Variants in ANKS1B observed in about 807,000 individuals in gnomAD.
The protein encoded by ANKS1B is ankyrin repeat and sterile alpha motif domain-containing protein 1B.
Under a neutral mutation model 148.3 loss-of-function variants are expected in ANKS1B, and 36 were observed. The observed-to-expected ratio is 0.24, with a 90% confidence interval of 0.19 to 0.32. The LOEUF (loss-of-function observed/expected upper bound fraction) is 0.32. Ranked by LOEUF, ANKS1B falls within the 10% of genes least tolerant of loss-of-function variation. The pLI is 1.00. For synonymous variants in ANKS1B, 542 were observed against 560.8 expected (o/e 0.97, Z 0.47); for missense variants, 1,157 against 1,542.6 (o/e 0.75, Z 4.19).
At chr12:99,424,955 G>C in intron 11 of ANKS1B, among the ~76,000 whole-genome samples, 1 of 151,918 alleles carries the variant, frequency 6.6e-6, no homozygotes, top group East Asian at 1.9e-4. Context: ...AAGCCAACCT[G>C]TAACCAGCCG....
intron 8 of ANKS1B, among the ~76,000 whole-genome samples, chr12:99,746,311 T>A (rs1427083182): frequency 6.6e-6 from 1 of 152,158 alleles, no homozygotes; most frequent in East Asian, 1.9e-4. Context: ...CTAGTCCCTA[T>A]CCAAGTGTTT....
At chr12:99,511,883 C>G (rs540331065) in intron 9 of ANKS1B, among the ~76,000 whole-genome samples, 30 of 152,008 alleles carry the variant, frequency 2.0e-4, no homozygotes, top group Non-Finnish European at 4.0e-4. Flanking sequence ...AAACTGGACC[C>G]CTTCCCTACA....
intron 9 of ANKS1B, among the ~76,000 whole-genome samples, chr12:99,618,866 G>A (rs567710593): frequency 5.9e-5 from 9 of 152,242 alleles, no homozygotes; most frequent in African/African-American, 2.2e-4. Flanking sequence ...TCTCAGGCCG[G>A]AGATTGGAAT....
intron 17 of ANKS1B, among the ~76,000 whole-genome samples, chr12:99,005,881 A>G (rs191346453): frequency 2.5e-3 from 376 of 152,306 alleles, no homozygotes; most frequent in African/African-American, 8.8e-3. Context: ...GAGCCCACTC[A>G]GTAGGGCTGA....
At chr12:98,813,108 T>A (rs1356779804) in intron 19 of ANKS1B, among the ~76,000 whole-genome samples, 2 of 152,208 alleles carry the variant, frequency 1.3e-5, no homozygotes, top group Admixed American at 1.3e-4. Flanking sequence ...AAAACATGTA[T>A]TGAAGTACTG....
chr12:98,928,720 C>T (rs2099811070), intron 17 of ANKS1B, among the ~76,000 whole-genome samples: 1 of 151,876 alleles, frequency 6.6e-6, no homozygotes, highest in Admixed American at 6.6e-5. Context: ...CAGGAATCTC[C>T]TTTAACACAG....
chr12:99,426,180 T>C (rs1257027964), intron 11 of ANKS1B, among the ~76,000 whole-genome samples: 1 of 152,144 alleles, frequency 6.6e-6, no homozygotes, highest in African/African-American at 2.4e-5. Flanking sequence ...TTAGAGTGCA[T>C]TGCCTAATGT....
chr12:98,994,368 C>G (rs1377314843), intron 17 of ANKS1B, among the ~76,000 whole-genome samples: 2 of 152,140 alleles, frequency 1.3e-5, no homozygotes, highest in Non-Finnish European at 2.9e-5. Context: ...GTAATTCCAG[C>G]ACTTTGGGAG....
At chr12:99,694,001 G>A (rs897803513) in intron 8 of ANKS1B, among the ~76,000 whole-genome samples, 11 of 150,786 alleles carry the variant, frequency 7.3e-5, no homozygotes, top group African/African-American at 1.5e-4. Context: ...GGCTGGTCTC[G>A]AACTTCTGAC....
intron 4 of ANKS1B, among the ~76,000 whole-genome samples, chr12:99,797,935 G>A (rs1015330765): frequency 7.9e-5 from 12 of 151,844 alleles, no homozygotes; most frequent in African/African-American, 2.9e-4. Context: ...ATATTTCTGT[G>A]ACTTCCATGG....
intron 21 of ANKS1B, among the ~76,000 whole-genome samples, chr12:98,800,728 G>A (rs560000675): frequency 1.1e-4 from 15 of 134,710 alleles, no homozygotes; most frequent in African/African-American, 3.2e-4. Flanking sequence ...AAGATTGTAC[G>A]TTATAACATT....
At chr12:99,906,772 T>C (rs1284583805) in intron 1 of ANKS1B, among the ~76,000 whole-genome samples, 1 of 152,260 alleles carries the variant, frequency 6.6e-6, no homozygotes, top group Non-Finnish European at 1.5e-5. Flanking sequence ...CTCCTTCATA[T>C]GCTTCTTTAT....
rs566275531 is a variant in ANKS1B, at chr12:99,792,611, C to T, written c.670-10514G>A. 7.2e-5 allele frequency among the ~76,000 whole-genome samples: 11 copies of T among 151,994 alleles called. No individual in the cohort carries two copies. In the East Asian group the frequency reaches 1.7e-3, roughly 24 times the overall value. ...TATCAACAGAATGAAGGACAAAAAA[C>T]ATTATCATTTTGACTAATGCTGAAA... is the stretch of plus-strand genomic sequence containing the variant. On this transcript the variant is annotated intron_variant, in intron 4 of 26. Transcript: ENST00000683438.
intron 9 of ANKS1B, among the ~76,000 whole-genome samples, chr12:99,603,562 G>C (rs2097824425): frequency 1.3e-5 from 2 of 151,908 alleles, no homozygotes; most frequent in Non-Finnish European, 2.9e-5. Context: ...GTTTCCAATT[G>C]TGTCATGTTA....
intron 9 of ANKS1B, among the ~76,000 whole-genome samples, chr12:99,528,282 C>A (rs116285749): frequency 0.065 from 9,863 of 151,882 alleles, 425 homozygotes; most frequent in East Asian, 0.24. Flanking sequence ...TGGAAGAAAA[C>A]CTAGGAAATA....
chr12:99,441,975 A>C (rs1213351981), intron 11 of ANKS1B, among the ~76,000 whole-genome samples: 1 of 151,994 alleles, frequency 6.6e-6, no homozygotes, highest in Non-Finnish European at 1.5e-5. Flanking sequence ...CTACATTGGT[A>C]TAAAAACAAA....
intron 16 of ANKS1B, among the ~76,000 whole-genome samples, chr12:99,059,943 A>T (rs185044986): frequency 1.1e-4 from 17 of 152,194 alleles, no homozygotes; most frequent in African/African-American, 3.8e-4. Context: ...AACATCTGGC[A>T]AGACAGGGCT....
chr12:98,787,799 A>G (rs1275929271), intron 22 of ANKS1B, among the ~76,000 whole-genome samples: 1 of 152,080 alleles, frequency 6.6e-6, no homozygotes, highest in Non-Finnish European at 1.5e-5. Context: ...GGGAACCTGT[A>G]GTCCCAGCTA....
At chr12:99,792,458 C>A (rs955660392) in intron 4 of ANKS1B, among the ~76,000 whole-genome samples, 1 of 151,910 alleles carries the variant, frequency 6.6e-6, no homozygotes, top group African/African-American at 2.4e-5. Context: ...AGGCCAATAT[C>A]TCTGATTACT....
Sources: allele counts gnomAD v4.1 joint callset (sites outside exome capture counted in the v4.1 genomes callset), GRCh38; gene constraint gnomAD v4.1.1; transcripts MANE v1.5; gene names NCBI Gene and HGNC (gene_info 2026-07-23, HGNC 2026-07-21).